ESR1: variants seen among roughly 807,000 people sequenced by gnomAD.
ESR1 encodes estrogen receptor.
In ESR1, 12 loss-of-function variants were observed where a neutral mutation model predicts 52.7. The ratio of observed to expected loss-of-function variants is 0.23; its 90% CI spans 0.15 to 0.37. The LOEUF is 0.37. Among genes scored for constraint, ESR1 ranks in the 10% least tolerant of loss-of-function variants. The probability of loss-of-function intolerance (pLI) is 1.00; values close to 1 mark genes in which losing one functional copy is unlikely to be tolerated. For synonymous variants in ESR1, 305 were observed against 316.8 expected (o/e 0.96, Z 0.39); for missense variants, 584 against 779.7 (o/e 0.75, Z 2.99).
chr6:151,838,861 A>G (rs1442938671), intron 1 of ESR1, among the ~76,000 whole-genome samples: 1 of 152,216 alleles, frequency 6.6e-6, no homozygotes, highest in Non-Finnish European at 1.5e-5. Context: ...GCTGGGGGTC[A>G]TCTTAGAGAT....
chr6:151,824,723 C>T (rs987290985), intron 1 of ESR1, among the ~76,000 whole-genome samples: 6 of 152,060 alleles, frequency 3.9e-5, no homozygotes, highest in African/African-American at 1.4e-4. Context: ...GAGGCCAAGG[C>T]CTCCTGGCTA....
rs564153528 is a variant in ESR1, at chr6:151,849,576, G to A, written c.643+6789G>A. ...GGATAATTGCTTGAACTCGGGAGGT[G>A]GAGGTTGCAGTGAGCTGAGATCGCG... On this transcript the variant is annotated intron_variant, in intron 2 of 7. Transcript: ENST00000206249. Among the ~76,000 whole-genome samples the A allele has an allele frequency of 5.3e-5, 8 of 151,954 alleles. No homozygotes were observed. The East Asian group carries it at 1.6e-3, about 30-fold the overall frequency.
intron 4 of ESR1, among the ~76,000 whole-genome samples, chr6:152,003,122 G>A (rs1379043443): frequency 6.6e-6 from 1 of 151,784 alleles, no homozygotes; most frequent in Non-Finnish European, 1.5e-5. Flanking sequence ...ATACAGATGG[G>A]GCTGGTAACA....
chr6:152,034,044 A>G (rs1241511557), intron 5 of ESR1, among the ~76,000 whole-genome samples: 1 of 151,912 alleles, frequency 6.6e-6, no homozygotes. Flanking sequence ...CACAAGGACA[A>G]AAAACCAAAC....
chr6:151,893,833 G>C (rs1266845692), intron 3 of ESR1, among the ~76,000 whole-genome samples: 1 of 152,152 alleles, frequency 6.6e-6, no homozygotes, highest in Non-Finnish European at 1.5e-5. Context: ...CCAGGAGTTT[G>C]AGATCCCTGA....
At chr6:151,814,233 G>A (rs917027843) in intron 1 of ESR1, 3 of 152,076 alleles carry the variant, frequency 2.0e-5, no homozygotes, top group Admixed American at 1.3e-4. Flanking sequence ...TTAGTTTCCT[G>A]CAATTAAATG....
chr6:151,862,758 G>T (rs879943305), intron 2 of ESR1, among the ~76,000 whole-genome samples: 1 of 152,122 alleles, frequency 6.6e-6, no homozygotes, highest in Non-Finnish European at 1.5e-5. Flanking sequence ...CCTATTCTGT[G>T]TGAAAGAACT....
chr6:152,004,695 T>C (rs2042203167), intron 4 of ESR1, among the ~76,000 whole-genome samples: 1 of 151,984 alleles, frequency 6.6e-6, no homozygotes, highest in African/African-American at 2.4e-5. Context: ...TTCTGTTGCA[T>C]TGTTCTGAAG....
At chr6:151,788,835 A>G (rs1489389371) in intron 2 of ESR1, among the ~76,000 whole-genome samples, 1 of 152,242 alleles carries the variant, frequency 6.6e-6, no homozygotes, top group Non-Finnish European at 1.5e-5. Context: ...CATTATCCTT[A>G]GCAAACTAAT....
At chr6:151,657,105 C>G (rs1777480960) in intron 1 of ESR1, among the ~76,000 whole-genome samples, 1 of 152,056 alleles carries the variant, frequency 6.6e-6, no homozygotes, top group African/African-American at 2.4e-5. Context: ...AGGGGGAATA[C>G]AGTTTTTGTT....
intron 4 of ESR1, among the ~76,000 whole-genome samples, chr6:152,009,841 T>G (rs988448207): frequency 2.9e-4 from 44 of 152,108 alleles, no homozygotes; most frequent in African/African-American, 1.0e-3. Flanking sequence ...AAATGTCCAA[T>G]GAAAGGATAC....
chr6:151,686,246 A>G (rs1198231858), upstream of ESR1, among the ~76,000 whole-genome samples: 2 of 151,994 alleles, frequency 1.3e-5, no homozygotes, highest in Admixed American at 6.6e-5. Flanking sequence ...TTATCCCTAT[A>G]AGCTTGAACT....
intron 3 of ESR1, among the ~76,000 whole-genome samples, chr6:151,915,318 C>T (rs181212059): frequency 4.6e-5 from 7 of 152,276 alleles, no homozygotes; most frequent in Admixed American, 4.6e-4. Context: ...ATTAATTTCT[C>T]CATCTATGTG....
chr6:152,116,698 CTA>C (rs1225799203), intron 6 of ESR1, among the ~76,000 whole-genome samples: 4 of 151,352 alleles, frequency 2.6e-5, no homozygotes, highest in African/African-American at 9.7e-5. Flanking sequence ...AACAAATATA[CTA>C]TATTATTAGT....
At chr6:151,691,340 G>A (rs757442059) in intron 1 of ESR1, among the ~76,000 whole-genome samples, 2 of 152,104 alleles carry the variant, frequency 1.3e-5, no homozygotes, top group African/African-American at 4.8e-5. Flanking sequence ...TGGGCTACTC[G>A]GGTAATGATG....
At chr6:151,851,532 T>TG (rs1181640269) in intron 2 of ESR1, among the ~76,000 whole-genome samples, 1 of 149,230 alleles carries the variant, frequency 6.7e-6, no homozygotes, top group East Asian at 2.0e-4. Context: ...ATGAAGGAGT[T>TG]TTTTTTTTTT....
intron 3 of ESR1, among the ~76,000 whole-genome samples, chr6:151,895,891 G>C (rs1795415395): frequency 6.6e-6 from 1 of 152,174 alleles, no homozygotes; most frequent in Non-Finnish European, 1.5e-5. Context: ...CTGGTTTCCA[G>C]CGATTCTCCT....
At chr6:151,904,589 T>C (rs1797163839) in intron 3 of ESR1, among the ~76,000 whole-genome samples, 1 of 152,212 alleles carries the variant, frequency 6.6e-6, no homozygotes, top group Non-Finnish European at 1.5e-5. Context: ...AAGCAGATAA[T>C]AGCTCATTTT....
chr6:152,027,929 G>A (rs988614138), intron 5 of ESR1, among the ~76,000 whole-genome samples: 1 of 152,028 alleles, frequency 6.6e-6, no homozygotes, highest in Non-Finnish European at 1.5e-5. Flanking sequence ...AGATCATAAG[G>A]TTAGCAGATT....
Sources: gnomAD v4.1 joint callset for allele counts (sites outside exome capture counted in the v4.1 genomes callset) on GRCh38, gnomAD v4.1.1 for gene constraint, MANE v1.5 for transcripts, NCBI Gene and HGNC (gene_info 2026-07-23, HGNC 2026-07-21) for gene names.